DDX50: variants seen among roughly 807,000 people sequenced by gnomAD.
DDX50 encodes the protein ATP-dependent RNA helicase DDX50.
Under a neutral mutation model 94.8 loss-of-function variants are expected in DDX50, and 56 were observed. That is an observed-to-expected ratio of 0.59 (90% CI 0.48 to 0.74). The LOEUF (loss-of-function observed/expected upper bound fraction) is 0.74. Ranked by LOEUF, DDX50 falls within the 30% of genes least tolerant of loss-of-function variation. The pLI, the probability that DDX50 is intolerant of heterozygous loss-of-function variation, is 0.00. For missense variants in DDX50, 713 were observed against 881.2 expected, an observed-to-expected ratio of 0.81 and a Z score of 2.42; for synonymous variants, 264 against 295.4, an observed-to-expected ratio of 0.89 and a Z score of 1.09.
chr10:68,902,596 C>T lies in DDX50; in HGVS notation c.87+1125C>T, dbSNP rs1430476508. On this transcript the variant is annotated intron_variant, in intron 1 of 14. Transcript: ENST00000373585. The stretch of plus-strand genomic sequence containing the variant: ...CTTTTCATTGTCCCAGACTGAAACT[C>T]TGTGCCCATTAAACACTCACTTCTC... Among the ~76,000 whole-genome samples the T allele has an allele frequency of 2.0e-5, 3 of 152,196 alleles. 1 individual carries two copies. The South Asian group carries it at 6.2e-4, about 31-fold the overall frequency.
Position 68,901,350 on chromosome 10 carries a change from C to T in DDX50, c.-35C>T. On this transcript the variant is annotated 5_prime_UTR_variant, in exon 1 of 15. Coordinates refer to ENST00000373585, the MANE Select transcript of DDX50 (RefSeq NM_024045.2). ...TGTCGCTGCCCGTAGGTGGTTGTGG[C>T]CACTGTGCCCGGAGGGAGGCGGCGG... The T allele has an allele frequency of 2.0e-6, 3 of 1,515,892 alleles. No individual in the cohort carries two copies. Among genetic ancestry groups the T allele is most frequent in the Non-Finnish European group, 2.7e-6 (3 of 1,127,992 alleles). The allele number at this position is 1,515,892 out of a possible 1,614,324, so 93.9% of individuals were successfully genotyped here. A position where few individuals can be genotyped will look rare whatever the true frequency, so the allele number is the denominator to read the frequency against.
At chr10:68,930,642 A>T (rs1001148466) in intron 8 of DDX50, among the ~76,000 whole-genome samples, 1 of 151,220 alleles carries the variant, frequency 6.6e-6, no homozygotes, top group Non-Finnish European at 1.5e-5. Flanking sequence ...CACACTCCAT[A>T]CATGCCATGG....
intron 12 of DDX50, among the ~76,000 whole-genome samples, chr10:68,939,120 G>A (rs756708627): frequency 3.9e-5 from 6 of 152,110 alleles, no homozygotes; most frequent in Non-Finnish European, 7.4e-5. Flanking sequence ...AAAATGTTAG[G>A]TTGTTCCAGT....
At chr10:68,914,331 A>G (rs1454317350) in intron 7 of DDX50, 127 bp downstream of exon 7, 1 of 1,009,098 alleles carries the variant, frequency 9.9e-7, no homozygotes, top group African/African-American at 1.7e-5. Flanking sequence ...TCTTAGTAAG[A>G]CACCTATATA....
rs767510758 is a variant in DDX50, at chr10:68,937,072, C to A, written c.1732C>A (p.Arg578=). Residue 578 remains arginine, a synonymous_variant, in exon 12 of 15, where the codon CGA becomes AGA. Transcript: ENST00000373585. ...HISGASSFEP[R]SLITSDKGFV... ...TTCTGGTGCATCAAGCTTTGAACCACGATCTTTGATCACCTCTGATAAGGT... is the reference window on the plus strand; with the variant it reads ...TTCTGGTGCATCAAGCTTTGAACCAAGATCTTTGATCACCTCTGATAAGGT... 6.2e-7 allele frequency: 1 copy of A among 1,612,750 alleles called. No homozygotes were observed. Among genetic ancestry groups the A allele is most frequent in the Admixed American group, 1.7e-5 (1 of 59,944 alleles).
intron 12 of DDX50, 89 bp from the exon 13 acceptor site, chr10:68,940,971 C>T (rs1284259322): frequency 2.0e-6 from 3 of 1,486,262 alleles, no homozygotes; most frequent in African/African-American, 2.8e-5. Flanking sequence ...AAGAAATGCA[C>T]AGTTAAGTCT....
intron 2 of DDX50, among the ~76,000 whole-genome samples, chr10:68,907,781 T>C (rs1420095716): frequency 1.9e-4 from 29 of 152,202 alleles, no homozygotes; most frequent in Non-Finnish European, 1.2e-4. Context: ...CATGTGTTTG[T>C]TGATCTAAAT....
At chr10:68,906,515 AGGAAGGG>A (rs72371573) in intron 1 of DDX50, among the ~76,000 whole-genome samples, 189 bp from the exon 2 acceptor site, 10,975 of 152,212 alleles carry the variant, frequency 0.072, 509 homozygotes, top group African/African-American at 0.13. Context: ...TGAGAATGCT[AGGAAGGG>A]GATGAGAAAG....
intron 7 of DDX50, among the ~76,000 whole-genome samples, chr10:68,914,438 T>C (rs1423623209): frequency 2.6e-5 from 4 of 152,264 alleles, no homozygotes; most frequent in Middle Eastern, 3.4e-3. Context: ...CAAGCAGCCA[T>C]AGAGACAGAT....
intron 8 of DDX50, among the ~76,000 whole-genome samples, chr10:68,920,557 A>G (rs1050925578): frequency 3.3e-5 from 5 of 152,166 alleles, no homozygotes; most frequent in African/African-American, 1.2e-4. Context: ...TATGGGTAAG[A>G]GAGGGTAATA....
intron 7 of DDX50, among the ~76,000 whole-genome samples, chr10:68,914,679 G>A (rs1311452491): frequency 2.0e-5 from 3 of 152,190 alleles, no homozygotes; most frequent in East Asian, 1.9e-4. Flanking sequence ...TAAAGCAGAC[G>A]TAGGTGAATA....
At chr10:68,909,012 G>A (rs947724127) in intron 2 of DDX50, among the ~76,000 whole-genome samples, 4 of 151,998 alleles carry the variant, frequency 2.6e-5, no homozygotes, top group African/African-American at 9.7e-5. Context: ...TTTTTATAGA[G>A]ACAAGGTCTC....
intron 14 of DDX50, among the ~76,000 whole-genome samples, chr10:68,944,666 C>A (rs1252982111): frequency 6.6e-6 from 1 of 152,160 alleles, no homozygotes; most frequent in Non-Finnish European, 1.5e-5. Flanking sequence ...CCTCCCTCAG[C>A]CTCCCGAGTA....
chr10:68,918,091 AT>A (rs1220559138), intron 7 of DDX50, among the ~76,000 whole-genome samples: 1 of 151,552 alleles, frequency 6.6e-6, no homozygotes, highest in African/African-American at 2.4e-5. Flanking sequence ...TGCCCAGCTA[AT>A]TTTTGTATTT....
At chr10:68,943,543 G>A (rs965885157) in intron 14 of DDX50, among the ~76,000 whole-genome samples, 6 of 151,710 alleles carry the variant, frequency 4.0e-5, no homozygotes, top group Non-Finnish European at 7.4e-5. Flanking sequence ...ACTACAAGGC[G>A]TGTGCCACTA....
rs61743410 is a variant in DDX50, at chr10:68,913,239, C to A, written c.717C>A (p.Ser239Arg). 3.7e-6 allele frequency: 6 copies of A among 1,613,138 alleles called. No homozygotes were observed. The highest frequency in any genetic ancestry group is 5.1e-6 in the Non-Finnish European group (6 of 1,179,852). Residue 239 changes from serine to arginine, a missense_variant, in exon 5 of 15, where the codon AGC becomes AGA. Ser to Arg is a moderately radical substitution (Grantham distance 110). Coordinates refer to ENST00000373585, the MANE Select transcript of DDX50 (RefSeq NM_024045.2). ...TCAAAGATATAACTAGGAAACTCAG[C>A]GTGGCGTGTTTTTATGGTGGAACAT... ...KDFKDITRKL[S>R]VACFYGGTSY...
chr10:68,923,844 A>G (rs1485312267), intron 8 of DDX50, among the ~76,000 whole-genome samples: 3 of 150,514 alleles, frequency 2.0e-5, no homozygotes. Context: ...ATACCCGGCC[A>G]TATATGTTTG....
intron 1 of DDX50, among the ~76,000 whole-genome samples, chr10:68,901,739 C>G (rs990559169): frequency 2.6e-5 from 4 of 152,246 alleles, no homozygotes; most frequent in African/African-American, 9.6e-5. Flanking sequence ...GATGGGCAGA[C>G]TCAAGCTCCC....
intron 7 of DDX50, among the ~76,000 whole-genome samples, chr10:68,914,557 A>G (rs1457121218): frequency 6.6e-6 from 1 of 152,262 alleles, no homozygotes; most frequent in East Asian, 1.9e-4. Flanking sequence ...AGAAAAGAAT[A>G]GTGCGGAGAT....
Sources: allele counts gnomAD v4.1 joint callset (sites outside exome capture counted in the v4.1 genomes callset), GRCh38; gene constraint gnomAD v4.1.1; transcripts MANE v1.5; gene names NCBI Gene and HGNC (gene_info 2026-07-23, HGNC 2026-07-21).